The following PALM2AKAP2 variants were observed in gnomAD, a reference collection of about 807,000 sequenced individuals.
PALM2AKAP2 encodes the protein PALM2-AKAP2 fusion protein.
A neutral mutation model predicts 71.5 loss-of-function variants in PALM2AKAP2; 37 were observed. That is an observed-to-expected ratio of 0.52 (90% CI 0.40 to 0.68). The LOEUF is 0.68. Among genes scored for constraint, PALM2AKAP2 ranks in the 30% least tolerant of loss-of-function variants. The pLI, the probability that PALM2AKAP2 is intolerant of heterozygous loss-of-function variation, is 0.00. For synonymous variants in PALM2AKAP2, 468 were observed against 478.8 expected (o/e 0.98, Z 0.29); for missense variants, 1,224 against 1,191.8 (o/e 1.03, Z -0.40).
At chr9:109,686,630 T>TTTAC (rs896756496) in intron 1 of PALM2AKAP2, among the ~76,000 whole-genome samples, 10 of 152,094 alleles carry the variant, frequency 6.6e-5, no homozygotes, top group Admixed American at 2.0e-4. Context: ...TATTTATTTA[T>TTTAC]TTATTTTATT....
chr9:109,763,287 C>A (rs1829089258), intron 1 of PALM2AKAP2, among the ~76,000 whole-genome samples: 1 of 152,158 alleles, frequency 6.6e-6, no homozygotes, highest in Non-Finnish European at 1.5e-5. Flanking sequence ...TATTCATCCT[C>A]CCCGCCTCCT....
upstream of PALM2AKAP2, among the ~76,000 whole-genome samples, chr9:110,044,531 T>C (rs1302492970): frequency 9.2e-5 from 14 of 151,822 alleles, no homozygotes; most frequent in South Asian, 1.5e-3. Context: ...TTTGTATTTT[T>C]AGTAGAGACG....
intron 1 of PALM2AKAP2, among the ~76,000 whole-genome samples, chr9:109,664,477 G>C (rs1386729411): frequency 3.3e-5 from 5 of 152,144 alleles, no homozygotes; most frequent in East Asian, 1.9e-4. Flanking sequence ...TGAAATTCTG[G>C]GTTGAAAATT....
intron 1 of PALM2AKAP2, among the ~76,000 whole-genome samples, chr9:109,785,680 A>G (rs1826943240): frequency 6.6e-6 from 1 of 152,198 alleles, no homozygotes; most frequent in Non-Finnish European, 1.5e-5. Flanking sequence ...AGACTGATTC[A>G]CTATCACAAG....
At chr9:109,702,214 C>T (rs973436593) in intron 1 of PALM2AKAP2, among the ~76,000 whole-genome samples, 1 of 152,006 alleles carries the variant, frequency 6.6e-6, no homozygotes, top group African/African-American at 2.4e-5. Context: ...CTAGAAATAC[C>T]ATTTGACCCA....
chr9:109,888,113 T>C (rs1830007975), intron 3 of PALM2AKAP2, among the ~76,000 whole-genome samples: 1 of 152,236 alleles, frequency 6.6e-6, no homozygotes, highest in Non-Finnish European at 1.5e-5. Flanking sequence ...CCTTTGTTCC[T>C]GATTGCACTT....
At chr9:109,731,269 T>C (rs1828553039) in intron 1 of PALM2AKAP2, among the ~76,000 whole-genome samples, 1 of 152,236 alleles carries the variant, frequency 6.6e-6, no homozygotes, top group African/African-American at 2.4e-5. Flanking sequence ...TAAGGCTGCA[T>C]GAATTAACCA....
At chr9:109,959,307 C>G (rs1271445584) in intron 6 of PALM2AKAP2, among the ~76,000 whole-genome samples, 1 of 152,188 alleles carries the variant, frequency 6.6e-6, no homozygotes, top group Non-Finnish European at 1.5e-5. Context: ...GGGTCAGACA[C>G]TTAGCCTCTT....
chr9:109,838,166 T>C (rs897851698), intron 1 of PALM2AKAP2, among the ~76,000 whole-genome samples: 1 of 152,186 alleles, frequency 6.6e-6, no homozygotes, highest in Admixed American at 6.5e-5. Context: ...ATAGAAATTA[T>C]AACAAACTGT....
chr9:109,903,165 C>T (rs1224148184), intron 3 of PALM2AKAP2, among the ~76,000 whole-genome samples: 6 of 151,982 alleles, frequency 3.9e-5, no homozygotes, highest in African/African-American at 1.2e-4. Flanking sequence ...GTGAGCCAGC[C>T]GCAGGGAGGA....
chr9:109,836,738 G>A (rs1433565667), intron 1 of PALM2AKAP2, among the ~76,000 whole-genome samples: 2 of 152,226 alleles, frequency 1.3e-5, no homozygotes, highest in Non-Finnish European at 1.5e-5. Context: ...GAATGCCCAA[G>A]CCTCAGTAGC....
intron 1 of PALM2AKAP2, among the ~76,000 whole-genome samples, chr9:110,101,684 T>G (rs955435483): frequency 2.0e-5 from 3 of 152,204 alleles, no homozygotes; most frequent in East Asian, 3.9e-4. Flanking sequence ...CCACGGCCTC[T>G]CTGGAGGGGA....
chr9:109,762,996 C>T (rs1441848764), intron 1 of PALM2AKAP2, among the ~76,000 whole-genome samples: 1 of 152,174 alleles, frequency 6.6e-6, no homozygotes, highest in Non-Finnish European at 1.5e-5. Context: ...GAGCCAGGCA[C>T]ATGCCTATGT....
At chr9:109,845,072 A>G (rs1429457012) in intron 1 of PALM2AKAP2, among the ~76,000 whole-genome samples, 1 of 151,768 alleles carries the variant, frequency 6.6e-6, no homozygotes, top group African/African-American at 2.4e-5. Context: ...CACCTTAAAC[A>G]CTCTTCTCCA....
exon 2 of PALM2AKAP2, chr9:110,137,069 T>TTGC (rs1373911946): frequency 6.2e-7 from 1 of 1,613,762 alleles, no homozygotes; most frequent in African/African-American, 1.3e-5. Context: ...GCAGGAACAG[T>TTGC]TGCTGCTGCA....
intron 1 of PALM2AKAP2, among the ~76,000 whole-genome samples, chr9:109,750,571 C>CGTGTGTGTGTGTGTGTGTGTGTGTGTGT (rs111708702): frequency 1.8e-4 from 26 of 147,182 alleles, no homozygotes; most frequent in South Asian, 4.6e-4. Flanking sequence ...TGCCCTAGGA[C>CGTGTGTGTGTGTGTGTGTGTGTGTGTGT]GTGTGTGTGT....
intron 1 of PALM2AKAP2, among the ~76,000 whole-genome samples, chr9:109,756,156 C>A (rs1214940340): frequency 6.6e-6 from 1 of 152,134 alleles, no homozygotes; most frequent in Non-Finnish European, 1.5e-5. Context: ...TATATACATA[C>A]AGATACCAAC....
intron 7 of PALM2AKAP2, among the ~76,000 whole-genome samples, chr9:110,035,690 TAG>T (rs1422801310): frequency 5.3e-5 from 6 of 113,064 alleles, no homozygotes; most frequent in Admixed American, 9.6e-5. Flanking sequence ...ATAACATATA[TAG>T]GATATGTTGT....
intron 3 of PALM2AKAP2, among the ~76,000 whole-genome samples, chr9:109,886,298 G>T (rs1190168567): frequency 6.6e-6 from 1 of 152,162 alleles, no homozygotes; most frequent in Non-Finnish European, 1.5e-5. Context: ...TACTTTCGGA[G>T]ATTGTAGGTA....
Sources: gnomAD v4.1 joint callset for allele counts (sites outside exome capture counted in the v4.1 genomes callset) on GRCh38, gnomAD v4.1.1 for gene constraint, MANE v1.5 for transcripts, NCBI Gene and HGNC (gene_info 2026-07-23, HGNC 2026-07-21) for gene names.